Variants in RAB3C observed in about 807,000 individuals in gnomAD.
The protein encoded by RAB3C is RAB3C, member RAS oncogene family.
Under a neutral mutation model 26.4 loss-of-function variants are expected in RAB3C, and 17 were observed. That is an observed-to-expected ratio of 0.64 (90% CI 0.44 to 0.97). RAB3C has a LOEUF of 0.97. RAB3C is among the 50% of genes least tolerant of loss of function. The probability of loss-of-function intolerance (pLI) is 0.00; values close to 1 mark genes in which losing one functional copy is unlikely to be tolerated. For missense variants in RAB3C, 242 were observed against 281.9 expected, an observed-to-expected ratio of 0.86 and a Z score of 1.01; for synonymous variants, 91 against 95.9, an observed-to-expected ratio of 0.95 and a Z score of 0.30.
At chr5:58,668,248 A>C (rs1748040918) in intron 2 of RAB3C, among the ~76,000 whole-genome samples, 1 of 152,290 alleles carries the variant, frequency 6.6e-6, no homozygotes, top group South Asian at 2.1e-4. Context: ...TTAGAACATT[A>C]AGTGGAGCAA....
intron 2 of RAB3C, among the ~76,000 whole-genome samples, chr5:58,707,267 C>T (rs566847504): frequency 2.3e-4 from 35 of 152,144 alleles, no homozygotes; most frequent in Non-Finnish European, 4.1e-4. Context: ...AGATATCATA[C>T]ATAACATTTG....
chr5:58,637,148 A>G (rs1747308185), intron 2 of RAB3C, among the ~76,000 whole-genome samples: 1 of 145,996 alleles, frequency 6.8e-6, no homozygotes, highest in Admixed American at 6.9e-5. Flanking sequence ...AATCTCTTCC[A>G]ATTCCCCATC....
chr5:58,767,528 A>G (rs959141112), intron 3 of RAB3C, among the ~76,000 whole-genome samples: 1 of 152,242 alleles, frequency 6.6e-6, no homozygotes, highest in African/African-American at 2.4e-5. Context: ...ATAATACTGT[A>G]CCATAAATGC....
At chr5:58,662,354 A>T (rs1747922380) in intron 2 of RAB3C, among the ~76,000 whole-genome samples, 2 of 150,300 alleles carry the variant, frequency 1.3e-5, no homozygotes, top group Middle Eastern at 3.4e-3. Flanking sequence ...CTTCATGCTG[A>T]TTCCTTTCAC....
At chr5:58,649,156 CA>C (rs773724345) in intron 2 of RAB3C, among the ~76,000 whole-genome samples, 12 of 152,252 alleles carry the variant, frequency 7.9e-5, no homozygotes, top group Non-Finnish European at 1.5e-4. Flanking sequence ...TCAAGTCCCG[CA>C]ATTGCTCTAC....
chr5:58,626,266 T>G (rs1174506134), intron 2 of RAB3C, among the ~76,000 whole-genome samples: 2 of 152,204 alleles, frequency 1.3e-5, no homozygotes, highest in Non-Finnish European at 2.9e-5. Context: ...GGAAAGTGGC[T>G]CAATATGTAG....
chr5:58,727,348 G>A lies in RAB3C; in HGVS notation c.371+1228G>A, dbSNP rs527318586. ...ATAGCAATTCAAAAGAGAAATACAGGGTTATAAACTAAAAAAGACAAGTTT... is the reference window on the plus strand; with the variant it reads ...ATAGCAATTCAAAAGAGAAATACAGAGTTATAAACTAAAAAAGACAAGTTT... On this transcript the variant is annotated intron_variant, in intron 3 of 4. Coordinates refer to ENST00000282878, the MANE Select transcript of RAB3C (RefSeq NM_138453.4). 1.9e-4 allele frequency among the ~76,000 whole-genome samples: 29 copies of A among 151,732 alleles called. 1 individual carries two copies. The South Asian group carries it at 2.3e-3, about 12-fold the overall frequency.
At chr5:58,668,023 G>A (rs1748036332) in intron 2 of RAB3C, among the ~76,000 whole-genome samples, 1 of 152,048 alleles carries the variant, frequency 6.6e-6, no homozygotes, top group East Asian at 1.9e-4. Flanking sequence ...TTGTAACTTG[G>A]GTGTAAACTA....
chr5:58,687,664 A>G (rs1186226907), intron 2 of RAB3C, among the ~76,000 whole-genome samples: 1 of 152,152 alleles, frequency 6.6e-6, no homozygotes. Context: ...AGAAGACCCA[A>G]TCCACCTAGA....
intron 2 of RAB3C, among the ~76,000 whole-genome samples, chr5:58,625,006 T>A (rs1389218276): frequency 6.6e-6 from 1 of 152,208 alleles, no homozygotes; most frequent in Non-Finnish European, 1.5e-5. Flanking sequence ...TAGATGCTAT[T>A]CTTGTCTTTA....
intron 1 of RAB3C, among the ~76,000 whole-genome samples, chr5:58,614,939 G>A (rs1290473485): frequency 1.3e-5 from 2 of 151,962 alleles, no homozygotes; most frequent in African/African-American, 2.4e-5. Flanking sequence ...ATTGTGTTAG[G>A]TATTATAAAT....
At chr5:58,787,806 T>G (rs1742425628) in intron 3 of RAB3C, among the ~76,000 whole-genome samples, 1 of 152,196 alleles carries the variant, frequency 6.6e-6, no homozygotes. Context: ...AATGACACCC[T>G]CATTCTTCAG....
intron 3 of RAB3C, among the ~76,000 whole-genome samples, chr5:58,748,252 T>G (rs903236841): frequency 2.0e-5 from 3 of 152,164 alleles, no homozygotes; most frequent in African/African-American, 7.2e-5. Flanking sequence ...AGAGATAACT[T>G]ACCCTTTAAA....
intron 2 of RAB3C, among the ~76,000 whole-genome samples, chr5:58,641,269 G>C (rs866515717): frequency 6.6e-6 from 1 of 152,178 alleles, no homozygotes; most frequent in African/African-American, 2.4e-5. Context: ...TAAGGAACAG[G>C]CTGTTTTCAC....
intron 2 of RAB3C, among the ~76,000 whole-genome samples, chr5:58,625,942 T>C (rs1213503043): frequency 6.6e-6 from 1 of 152,094 alleles, no homozygotes; most frequent in Admixed American, 6.5e-5. Flanking sequence ...TAAGTAAAGC[T>C]TCACATTATG....
At chr5:58,806,509 T>C (rs78632008) in intron 3 of RAB3C, among the ~76,000 whole-genome samples, 1 of 152,172 alleles carries the variant, frequency 6.6e-6, no homozygotes. Flanking sequence ...ACAAGCTCCC[T>C]GGATACGTGA....
At chr5:58,795,008 G>A (rs186753366) in intron 3 of RAB3C, among the ~76,000 whole-genome samples, 133 of 152,242 alleles carry the variant, frequency 8.7e-4, no homozygotes, top group Admixed American at 2.2e-3. Flanking sequence ...ATCTTGAATC[G>A]TAGTTCCCAT....
intron 3 of RAB3C, among the ~76,000 whole-genome samples, chr5:58,824,054 C>T (rs1012327780): frequency 2.0e-5 from 3 of 152,072 alleles, no homozygotes; most frequent in Non-Finnish European, 2.9e-5. Context: ...AGGACATGAA[C>T]TCATCATTTT....
At chr5:58,680,448 C>T (rs1357860995) in intron 2 of RAB3C, among the ~76,000 whole-genome samples, 1 of 152,188 alleles carries the variant, frequency 6.6e-6, no homozygotes, top group Non-Finnish European at 1.5e-5. Context: ...AAAAATTGCT[C>T]AGCAACTTAT....
Sources: allele counts gnomAD v4.1 joint callset (sites outside exome capture counted in the v4.1 genomes callset), GRCh38; gene constraint gnomAD v4.1.1; transcripts MANE v1.5; gene names NCBI Gene and HGNC (gene_info 2026-07-23, HGNC 2026-07-21).